The following WT1 variants were observed in gnomAD, a reference collection of about 807,000 sequenced individuals.
WT1 encodes WT1 transcription factor, also known as Wilms tumor protein.
In WT1, 8 loss-of-function variants were observed where a neutral mutation model predicts 60.8. That is an observed-to-expected ratio of 0.13 (90% confidence interval 0.08 to 0.24). The LOEUF is 0.24. Among genes scored for constraint, WT1 ranks in the 10% least tolerant of loss-of-function variants. The pLI is 1.00. For missense variants in WT1, 568 were observed against 711.8 expected (o/e 0.80, Z 2.30); for synonymous variants, 312 against 297.1 (o/e 1.05, Z -0.52).
rs1313517539 is a variant in WT1, at chr11:32,435,505, T to C, written c.-145A>G. On this transcript the variant is annotated 5_prime_UTR_variant, in exon 1 of 10. Coordinates refer to ENST00000452863, the MANE Select transcript of WT1 (RefSeq NM_024426.6). The stretch of plus-strand genomic sequence containing the variant: ...TCGGGTTGCGGAGAGCCCCCGGGTG[T>C]GGGCGCTGCCTTGAACTCCTTACCC... The C allele has an allele frequency of 7.6e-7, 1 of 1,323,034 alleles. No individual in the cohort carries two copies. 82.0% of individuals were successfully genotyped at this position (1,323,034 alleles called of 1,614,324 possible). A position where few individuals can be genotyped will look rare whatever the true frequency, so the allele number is the denominator to read the frequency against.
intron 5 of WT1, among the ~76,000 whole-genome samples, chr11:32,401,201 A>G (rs534973937): frequency 2.6e-5 from 4 of 152,270 alleles, no homozygotes; most frequent in South Asian, 2.1e-4. Flanking sequence ...AATACATGCT[A>G]CAATATGGAT....
At chr11:32,415,046 C>T (rs770760074) in intron 5 of WT1, among the ~76,000 whole-genome samples, 18 of 152,172 alleles carry the variant, frequency 1.2e-4, no homozygotes, top group South Asian at 4.1e-4. Context: ...CAGCAAGTGA[C>T]TAACAGTACA....
Position 32,396,350 on chromosome 11 carries a change from T to G in WT1, c.1171A>C (p.Ser391Arg). Residue 391 changes from serine to arginine, a missense_variant, in exon 7 of 10, where the codon AGT (serine) becomes CGT (arginine). By Grantham distance (110) the Ser-to-Arg change is moderately radical. Transcript: ENST00000452863. ...GCACACATGAAGGGGCGTTTCTCAC[T>G]GGTCTCAGATGCCGACCGTACAAGA... 6.2e-7 allele frequency: 1 copy of G among 1,614,184 alleles called. No individual in the cohort carries two copies. The highest frequency in any genetic ancestry group is 8.5e-7 in the Non-Finnish European group (1 of 1,180,038).
chr11:32,388,783 A>G lies in WT1; in HGVS notation c.*275T>C, dbSNP rs1851733597. 1 of 539,554 alleles carries G rather than the reference A, an allele frequency of 1.9e-6. No individual in the cohort carries two copies. The highest frequency in any genetic ancestry group is 3.3e-6 in the Non-Finnish European group (1 of 302,504). The allele number at this position is 539,554 out of a possible 1,614,324, so 33.4% of individuals were successfully genotyped here. On this transcript the variant is annotated 3_prime_UTR_variant, in exon 10 of 10. Coordinates refer to ENST00000452863, the MANE Select transcript of WT1 (RefSeq NM_024426.6). ...TCAGCTATGGCTCTTCTTACAGTAG[A>G]AAATCCACACCAAATGGCAATGGGC...
chr11:32,419,410 T>C (rs1455207493), intron 3 of WT1, among the ~76,000 whole-genome samples: 1 of 152,194 alleles, frequency 6.6e-6, no homozygotes. Context: ...TTGTCACTAA[T>C]TTTTTAAAAA....
At chr11:32,431,391 C>T (rs1268695103) in intron 1 of WT1, among the ~76,000 whole-genome samples, 2 of 151,074 alleles carry the variant, frequency 1.3e-5, no homozygotes, top group African/African-American at 4.9e-5. Context: ...TAGGGTTCTG[C>T]GAGCCTGCGG....
chr11:32,398,774 C>T (rs1852051283), intron 6 of WT1, among the ~76,000 whole-genome samples: 1 of 151,148 alleles, frequency 6.6e-6, no homozygotes, highest in Admixed American at 6.6e-5. Context: ...CACAAATAGA[C>T]AAGGAGAAAC....
At chr11:32,396,660 C>T (rs1851985349) in intron 6 of WT1, among the ~76,000 whole-genome samples, 1 of 152,182 alleles carries the variant, frequency 6.6e-6, no homozygotes, top group African/African-American at 2.4e-5. Context: ...ATGAAACCTA[C>T]ATGAAATGGC....
intron 1 of WT1, among the ~76,000 whole-genome samples, chr11:32,429,475 C>A (rs1173854771): frequency 1.1e-4 from 13 of 116,584 alleles, no homozygotes; most frequent in East Asian, 7.2e-4. Flanking sequence ...CCCCCCCCCC[C>A]AAAGTGAGAA....
chr11:32,414,452 T>A (rs1564985410), intron 5 of WT1, among the ~76,000 whole-genome samples: 1 of 152,164 alleles, frequency 6.6e-6, no homozygotes, highest in Non-Finnish European at 1.5e-5. Flanking sequence ...TTTTTGTATT[T>A]TTTGTAGAGA....
At chr11:32,398,487 A>C (rs776036582) in intron 6 of WT1, among the ~76,000 whole-genome samples, 2 of 152,132 alleles carry the variant, frequency 1.3e-5, no homozygotes, top group Non-Finnish European at 2.9e-5. Context: ...TTACCTTTAT[A>C]CTTTACTTTC....
At chr11:32,415,438 C>G (rs573428404) in intron 5 of WT1, among the ~76,000 whole-genome samples, 19 of 152,218 alleles carry the variant, frequency 1.2e-4, no homozygotes, top group Admixed American at 1.0e-3. Context: ...CACCTGAGGT[C>G]GGGAGTTTGA....
At chr11:32,407,905 C>T (rs1050689758) in intron 5 of WT1, among the ~76,000 whole-genome samples, 6 of 151,998 alleles carry the variant, frequency 3.9e-5, no homozygotes, top group Non-Finnish European at 8.8e-5. Flanking sequence ...AAAAAAGAAA[C>T]CCAAATCGAA....
At chr11:32,421,800 A>G (rs1304875088) in intron 3 of WT1, among the ~76,000 whole-genome samples, 1 of 152,222 alleles carries the variant, frequency 6.6e-6, no homozygotes, top group East Asian at 1.9e-4. Context: ...GCACATTTTC[A>G]TCTTTAAGTC....
chr11:32,404,276 A>AG (rs1852246699), intron 5 of WT1, among the ~76,000 whole-genome samples: 2 of 151,940 alleles, frequency 1.3e-5, no homozygotes, highest in African/African-American at 2.4e-5. Flanking sequence ...CTCAAAAAAA[A>AG]AAAAAAAAAA....
At chr11:32,407,535 T>TC (rs1456410565) in intron 5 of WT1, among the ~76,000 whole-genome samples, 1 of 152,124 alleles carries the variant, frequency 6.6e-6, no homozygotes, top group African/African-American at 2.4e-5. Context: ...CAGGCAGGCA[T>TC]CCCCCCATCT....
chr11:32,398,637 T>C (rs1852046926), intron 6 of WT1, among the ~76,000 whole-genome samples: 2 of 152,048 alleles, frequency 1.3e-5, no homozygotes, highest in South Asian at 4.2e-4. Flanking sequence ...GCTCCAATAT[T>C]TACTAGCGAT....
In WT1 at chr11:32,395,061, G is replaced by A. The variant is rs56011807; in HGVS notation, c.1264+1196C>T. 4.6e-3 allele frequency among the ~76,000 whole-genome samples: 704 copies of A among 152,314 alleles called. 7 individuals are homozygous for A. The highest frequency in any genetic ancestry group is 0.016 in the African/African-American group (680 of 41,572). ...AGCCTCAAAGTCTGTGGCCCACTGA[G>A]TGCAAACTCAGATTGACACCAGAAT... On this transcript the variant is annotated intron_variant, in intron 7 of 9. Coordinates refer to ENST00000452863, the MANE Select transcript of WT1 (RefSeq NM_024426.6).
At chr11:32,423,191 C>G (rs1397719907) in intron 3 of WT1, among the ~76,000 whole-genome samples, 1 of 152,226 alleles carries the variant, frequency 6.6e-6, no homozygotes, top group African/African-American at 2.4e-5. Flanking sequence ...TTCCCTGGTA[C>G]CTTCCCTCTG....
Sources: gnomAD v4.1 joint callset for allele counts (sites outside exome capture counted in the v4.1 genomes callset) on GRCh38, gnomAD v4.1.1 for gene constraint, MANE v1.5 for transcripts, NCBI Gene and HGNC (gene_info 2026-07-23, HGNC 2026-07-21) for gene names.